Variants in PLSCR2 observed in about 807,000 individuals in gnomAD.
The protein encoded by PLSCR2 is phospholipid scramblase 2.
A neutral mutation model predicts 25.3 loss-of-function variants in PLSCR2; 18 were observed. The observed-to-expected ratio is 0.71, with a 90% CI of 0.49 to 1.06. PLSCR2 has a LOEUF of 1.06. PLSCR2 is among the 50% of genes least tolerant of loss of function. The probability of loss-of-function intolerance (pLI) is 0.00; values close to 1 mark genes in which losing one functional copy is unlikely to be tolerated. For synonymous variants in PLSCR2, 88 were observed against 87.3 expected (o/e 1.01, Z -0.04); for missense variants, 243 against 269.5 (o/e 0.90, Z 0.69).
At chr3:146,398,918 T>A (rs1383730837) in intron 2 of PLSCR2, 1 of 152,230 alleles carries the variant, frequency 6.6e-6, no homozygotes, top group African/African-American at 2.4e-5. Context: ...AAATGAGCTT[T>A]TTGTATATTT....
chr3:146,427,613 G>C lies in PLSCR2; in HGVS notation c.100+30798C>G, dbSNP rs371157756. 3.4e-4 allele frequency among the ~76,000 whole-genome samples: 52 copies of C among 152,312 alleles called. No individual in the cohort carries two copies. In the South Asian group the frequency reaches 1.0e-2, roughly 29 times the overall value. ...GAGGACCGATGTGAACTCTGTCCAA[G>C]TTCTTTCCTCTGTCTAAAACTATAT... On this transcript the variant is annotated intron_variant and NMD_transcript_variant, in intron 2 of 3. Transcript: ENST00000463633.
Position 146,393,897 on chromosome 3 carries a change from T to A in PLSCR2, c.*145+1863A>T, listed in dbSNP as rs12497907. On this transcript the variant is annotated intron_variant and NMD_transcript_variant, in intron 3 of 3. Transcript: ENST00000463633. The stretch of plus-strand genomic sequence containing the variant: ...TTTAAATAACTTTACTAATGTTCTG[T>A]CTCTTATATCTAGTATAAATGAAGA... Among the ~76,000 whole-genome samples, 449 of 151,008 alleles carry A rather than the reference T, an allele frequency of 3.0e-3. 3 individuals carry two copies. Among genetic ancestry groups the A allele is most frequent in the South Asian group, 0.013 (62 of 4,770 alleles).
chr3:146,442,202 A>C lies in PLSCR2; in HGVS notation c.646-381T>G, dbSNP rs1329614444. ...AATTCATTCCATGTACAACAAATTA[A>C]GAAAACAATTCCATTTACAGCAGCA... On this transcript the variant is annotated intron_variant, in intron 6 of 6. Coordinates refer to ENST00000610787, the Ensembl canonical transcript of PLSCR2. 2.0e-5 allele frequency among the ~76,000 whole-genome samples: 3 copies of C among 152,106 alleles called. No homozygotes were observed. The East Asian group carries it at 5.8e-4, about 29-fold the overall frequency.
intron 1 of PLSCR2, among the ~76,000 whole-genome samples, chr3:146,489,265 C>T (rs973002200): frequency 1.3e-5 from 2 of 152,060 alleles, no homozygotes; most frequent in Non-Finnish European, 2.9e-5. Context: ...CACCATGGCA[C>T]ACATTTACCT....
At chr3:146,445,481 G>C in intron 6 of PLSCR2, among the ~76,000 whole-genome samples, 1 of 151,970 alleles carries the variant, frequency 6.6e-6, no homozygotes, top group Non-Finnish European at 1.5e-5. Context: ...AATATGCCAA[G>C]CCACTCTCTT....
At chr3:146,426,781 G>C (rs777884543) in intron 2 of PLSCR2, among the ~76,000 whole-genome samples, 1 of 152,088 alleles carries the variant, frequency 6.6e-6, no homozygotes, top group Non-Finnish European at 1.5e-5. Flanking sequence ...AGTTGCTAAA[G>C]TTGATATGAA....
intron 1 of PLSCR2, among the ~76,000 whole-genome samples, chr3:146,465,454 C>T (rs540328933): frequency 7.9e-5 from 12 of 151,772 alleles, no homozygotes; most frequent in African/African-American, 2.9e-4. Flanking sequence ...ATACTTAATT[C>T]TGGAAGATCC....
upstream of PLSCR2, among the ~76,000 whole-genome samples, chr3:146,462,717 G>A (rs1366652143): frequency 1.3e-5 from 2 of 152,032 alleles, no homozygotes; most frequent in East Asian, 1.9e-4. Flanking sequence ...TGCCCACTGC[G>A]GCCTCCCAAA....
intron 6 of PLSCR2, among the ~76,000 whole-genome samples, chr3:146,447,379 C>T (rs2040612649): frequency 1.3e-5 from 2 of 152,194 alleles, no homozygotes; most frequent in Admixed American, 6.5e-5. Context: ...ATAGGACAGA[C>T]ATTAGGACCC....
intron 1 of PLSCR2, among the ~76,000 whole-genome samples, chr3:146,495,568 A>T (rs1444947503): frequency 6.6e-6 from 1 of 151,532 alleles, no homozygotes; most frequent in African/African-American, 2.4e-5. Context: ...CCCCAGAAAG[A>T]CCCCTCCCCG....
intron 4 of PLSCR2, 121 bp from the exon 5 acceptor site, chr3:146,454,284 T>A (rs967710322): frequency 3.7e-6 from 2 of 533,338 alleles, no homozygotes; most frequent in Non-Finnish European, 6.1e-6. Context: ...TTCCTAGGAC[T>A]TTTTTTTTAA....
intron 1 of PLSCR2, chr3:146,494,518 C>T (rs776916386): frequency 6.6e-6 from 1 of 151,996 alleles, no homozygotes; most frequent in Non-Finnish European, 1.5e-5. Context: ...TGTCACCAGA[C>T]AAAATATTTA....
intron 2 of PLSCR2, among the ~76,000 whole-genome samples, chr3:146,422,610 T>C (rs886713537): frequency 2.6e-5 from 4 of 152,206 alleles, no homozygotes; most frequent in Non-Finnish European, 4.4e-5. Context: ...GGAACAGCTA[T>C]GCACTGCATA....
At chr3:146,487,674 A>T (rs867663182) in intron 1 of PLSCR2, among the ~76,000 whole-genome samples, 2 of 152,178 alleles carry the variant, frequency 1.3e-5, no homozygotes, top group South Asian at 4.1e-4. Context: ...ATAAGAGAAG[A>T]CACAAACAAA....
intron 2 of PLSCR2, among the ~76,000 whole-genome samples, chr3:146,407,159 C>T (rs182775646): frequency 4.6e-5 from 7 of 152,214 alleles, no homozygotes; most frequent in East Asian, 1.9e-4. Context: ...GCGGTTTATG[C>T]GTTCTACCTA....
upstream of PLSCR2, among the ~76,000 whole-genome samples, chr3:146,463,335 C>G (rs2041710981): frequency 6.6e-6 from 1 of 152,076 alleles, no homozygotes; most frequent in Non-Finnish European, 1.5e-5. Flanking sequence ...CGCCACCACG[C>G]CCGGAATAAT....
At chr3:146,458,363 T>A (rs769095739) in intron 3 of PLSCR2, 48 bp downstream of exon 3, 2 of 1,432,506 alleles carry the variant, frequency 1.4e-6, no homozygotes, top group South Asian at 2.7e-5. Context: ...TTTATTTGCA[T>A]AAACTTCTTC....
intron 8 of PLSCR2, among the ~76,000 whole-genome samples, chr3:146,435,233 T>C (rs1159441237): frequency 4.6e-5 from 7 of 152,122 alleles, no homozygotes; most frequent in Non-Finnish European, 8.8e-5. Context: ...AATAAACATA[T>C]GTGTGCATGT....
intron 1 of PLSCR2, among the ~76,000 whole-genome samples, chr3:146,491,211 T>A (rs950566320): frequency 1.3e-5 from 2 of 152,094 alleles, no homozygotes; most frequent in African/African-American, 4.8e-5. Context: ...CTTCTAAAAC[T>A]TCTGCTGTTA....
Sources: allele counts gnomAD v4.1 joint callset (sites outside exome capture counted in the v4.1 genomes callset), GRCh38; gene constraint gnomAD v4.1.1; transcripts MANE v1.5; gene names NCBI Gene and HGNC (gene_info 2026-07-23, HGNC 2026-07-21).